Variants in FAM177A1 observed in about 807,000 individuals in gnomAD.
FAM177A1 encodes family with sequence similarity 177 member A1.
A neutral mutation model predicts 26.1 loss-of-function variants in FAM177A1; 22 were observed. The ratio of observed to expected loss-of-function variants is 0.84; its 90% CI spans 0.60 to 1.20. FAM177A1 has a LOEUF of 1.20. Ranked by LOEUF, FAM177A1 falls within the 50% of genes most tolerant of loss-of-function variation. The pLI is 0.00. For missense variants in FAM177A1, 296 were observed against 291.1 expected, an observed-to-expected ratio of 1.02 and a Z score of -0.12; for synonymous variants, 95 against 99.3, an observed-to-expected ratio of 0.96 and a Z score of 0.26.
rs190818946 is a variant in FAM177A1 at position 35,066,553 on chromosome 14, C to T, written c.340-10597C>T. Among the ~76,000 whole-genome samples, 162 of 151,284 alleles carry T rather than the reference C, an allele frequency of 1.1e-3. 1 individual carries two copies. The highest frequency in any genetic ancestry group is 3.6e-3 in the African/African-American group (148 of 41,220). ...CCTTGTAGCTGGGATTACAGGTGTG[C>T]GCTACCACTCCTGGCTAATTTTTGT... On this transcript the variant is annotated intron_variant, in intron 2 of 4. Coordinates refer to ENST00000280987, the MANE Select transcript of FAM177A1 (RefSeq NM_173607.5).
At chr14:35,072,855 C>T (rs572822875) in intron 2 of FAM177A1, among the ~76,000 whole-genome samples, 7 of 152,282 alleles carry the variant, frequency 4.6e-5, no homozygotes, top group South Asian at 2.1e-4. Context: ...CTCCACCCCC[C>T]CTTTCCTTTC....
rs746133319 is a variant in FAM177A1 at position 35,070,114 on chromosome 14, CAAAAAAAAAAAAAAAAAAAA to C, written c.340-7019_340-7000del. Reference sequence around the variant, plus strand: ...TGGGCGACAGAGTGAGACTCTGTCTCAAAAAAAAAAAAAAAAAAAAAAAAAAAAAAAAAAAAGAAGTGAAG... The same window carrying C: ...TGGGCGACAGAGTGAGACTCTGTCTCAAAAAAAAAAAAAAAAGAAGTGAAG... On this transcript the variant is annotated intron_variant, in intron 2 of 4. Coordinates refer to ENST00000280987, the MANE Select transcript of FAM177A1 (RefSeq NM_173607.5). Among the ~76,000 whole-genome samples the C allele has an allele frequency of 4.3e-4, 23 of 53,826 alleles. 1 individual carries two copies. Among genetic ancestry groups the C allele is most frequent in the East Asian group, 4.6e-4 (1 of 2,172 alleles). 35.3% of individuals were successfully genotyped at this position (53,826 alleles called of 152,430 possible). A position where few individuals can be genotyped will look rare whatever the true frequency, so the allele number is the denominator to read the frequency against.
intron 2 of FAM177A1, among the ~76,000 whole-genome samples, chr14:35,074,673 C>G (rs2045369101): frequency 2.0e-5 from 3 of 151,882 alleles, no homozygotes; most frequent in Non-Finnish European, 2.9e-5. Context: ...CTTTTTAATG[C>G]CCTTTTAATC....
intron 1 of FAM177A1, among the ~76,000 whole-genome samples, chr14:35,051,227 C>T (rs2044964062): frequency 6.6e-6 from 1 of 152,144 alleles, no homozygotes; most frequent in African/African-American, 2.4e-5. Flanking sequence ...TTAAGTGATT[C>T]TCATTCCTCA....
At chr14:35,073,328 C>T (rs1048330621) in intron 2 of FAM177A1, among the ~76,000 whole-genome samples, 18 of 152,198 alleles carry the variant, frequency 1.2e-4, no homozygotes, top group Non-Finnish European at 2.5e-4. Context: ...CCTCAGCCTC[C>T]TGAAGTACTG....
At chr14:35,045,890 C>T (rs3809448), upstream of FAM177A1, 22,433 of 152,216 alleles carry the variant, frequency 0.15, 2,047 homozygotes, top group East Asian at 0.31. Context: ...AAGCAAATAT[C>T]ACGCCTGGGG....
intron 3 of FAM177A1, among the ~76,000 whole-genome samples, chr14:35,077,712 G>A (rs547755597): frequency 3.3e-4 from 50 of 151,880 alleles, no homozygotes; most frequent in African/African-American, 1.1e-3. Context: ...TCGATCTCCT[G>A]ACCTCATGAT....
At chr14:35,065,336 C>G (rs2045224177) in intron 2 of FAM177A1, among the ~76,000 whole-genome samples, 1 of 147,456 alleles carries the variant, frequency 6.8e-6, no homozygotes, top group South Asian at 2.1e-4. Flanking sequence ...TTCAGCCACT[C>G]AGGAGATTTT....
At chr14:35,062,062 C>T (rs1317963631) in intron 2 of FAM177A1, among the ~76,000 whole-genome samples, 1 of 152,174 alleles carries the variant, frequency 6.6e-6, no homozygotes, top group East Asian at 1.9e-4. Flanking sequence ...ACCCTGTATT[C>T]TTGGCTGTAC....
chr14:35,049,586 C>G (rs1318738700), intron 1 of FAM177A1, among the ~76,000 whole-genome samples: 4 of 152,082 alleles, frequency 2.6e-5, no homozygotes, highest in Non-Finnish European at 5.9e-5. Context: ...GAGTTCGAGA[C>G]CAGCCTGGCC....
chr14:35,046,810 CCTCA>C (rs2044874658), intron 1 of FAM177A1, 182 bp downstream of exon 1: 10 of 1,377,860 alleles, frequency 7.3e-6, no homozygotes, highest in Non-Finnish European at 9.4e-6. Flanking sequence ...GCGCCCCCCG[CCTCA>C]CTCACCAACC....
upstream of FAM177A1, chr14:35,046,251 G>T (rs918475944): frequency 9.1e-6 from 4 of 441,864 alleles, no homozygotes; most frequent in Middle Eastern, 6.3e-4. Context: ...CGCCCCGCGC[G>T]AGCCGGTAGT....
Position 35,047,415 on chromosome 14 carries a change from C to G in FAM177A1, c.165+787C>G, listed in dbSNP as rs114621600. On this transcript the variant is annotated intron_variant, in intron 1 of 4. Coordinates refer to ENST00000280987, the MANE Select transcript of FAM177A1 (RefSeq NM_173607.5). ...GACCACATTTCAAGTGCGCATTAGC[C>G]ACATGTGGCTAGTGGTTACTGTATT... is the stretch of plus-strand genomic sequence containing the variant. Among the ~76,000 whole-genome samples the G allele has an allele frequency of 3.1e-3, 468 of 152,162 alleles. 5 individuals carry two copies. Among genetic ancestry groups the G allele is most frequent in the African/African-American group, 0.011 (440 of 41,504 alleles).
intron 2 of FAM177A1, among the ~76,000 whole-genome samples, chr14:35,056,080 A>C (rs997796224): frequency 1.3e-4 from 20 of 151,786 alleles, no homozygotes; most frequent in Middle Eastern, 3.4e-3. Flanking sequence ...TGTCACCCAG[A>C]CTGGAGTGCA....
At chr14:35,074,919 C>T (rs2045372593) in intron 2 of FAM177A1, among the ~76,000 whole-genome samples, 1 of 151,934 alleles carries the variant, frequency 6.6e-6, no homozygotes, top group Admixed American at 6.6e-5. Flanking sequence ...CGTCTGTAAT[C>T]CCAGCTACTC....
intron 2 of FAM177A1, among the ~76,000 whole-genome samples, chr14:35,062,453 C>T (rs1369855197): frequency 1.3e-5 from 2 of 152,108 alleles, no homozygotes; most frequent in Admixed American, 1.3e-4. Context: ...TGAGAGGTAC[C>T]ATGAGATGTC....
chr14:35,066,695 G>A (rs960271808), intron 2 of FAM177A1, among the ~76,000 whole-genome samples: 2 of 151,150 alleles, frequency 1.3e-5, no homozygotes, highest in African/African-American at 2.4e-5. Flanking sequence ...GTGAGCCACC[G>A]CGCCTGGCCA....
intron 1 of FAM177A1, among the ~76,000 whole-genome samples, chr14:35,047,779 CAACAAAAA>C: frequency 1.9e-5 from 1 of 52,034 alleles, no homozygotes; most frequent in Admixed American, 1.8e-4. Context: ...ACAACAACAA[CAACAAAAA>C]AAAAACCCTT....
chr14:35,063,852 C>T (rs962008342), intron 2 of FAM177A1, among the ~76,000 whole-genome samples: 146 of 151,062 alleles, frequency 9.7e-4, no homozygotes, highest in African/African-American at 3.4e-3. Context: ...CCAGCCTGGC[C>T]AACATGGTAA....
Sources: allele counts gnomAD v4.1 joint callset (sites outside exome capture counted in the v4.1 genomes callset), GRCh38; gene constraint gnomAD v4.1.1; transcripts MANE v1.5; gene names NCBI Gene and HGNC (gene_info 2026-07-23, HGNC 2026-07-21).